The following NECAB2 variants were observed in gnomAD, a reference collection of about 807,000 sequenced individuals.
The protein encoded by NECAB2 is N-terminal EF-hand calcium binding protein 2, also known as N-terminal EF-hand calcium-binding protein 2.
Under a neutral mutation model 51.9 loss-of-function variants are expected in NECAB2, and 68 were observed. The observed-to-expected ratio is 1.31, with a 90% CI of 1.08 to 1.60. The LOEUF is 1.60. Ranked by LOEUF, NECAB2 falls within the 40% of genes most tolerant of loss-of-function variation. The pLI, the probability that NECAB2 is intolerant of heterozygous loss-of-function variation, is 0.00. For synonymous variants in NECAB2, 329 were observed against 203.5 expected (o/e 1.62, Z -5.25); for missense variants, 854 against 490.3 (o/e 1.74, Z -7.00).
At chr16:84,000,994 C>A (rs1424440058) in intron 11 of NECAB2, among the ~76,000 whole-genome samples, 193 bp downstream of exon 11, 1 of 151,600 alleles carries the variant, frequency 6.6e-6, no homozygotes, top group East Asian at 1.9e-4. Flanking sequence ...GTAGTGAGAG[C>A]CCCCACCACA....
chr16:83,996,756 C>T (rs1446307295), intron 8 of NECAB2, among the ~76,000 whole-genome samples: 1 of 152,164 alleles, frequency 6.6e-6, no homozygotes, highest in Non-Finnish European at 1.5e-5. Context: ...GATGTGGTTC[C>T]TGGAGACCGA....
At chr16:83,974,799 A>G (rs1597197194) in intron 2 of NECAB2, among the ~76,000 whole-genome samples, 1 of 152,052 alleles carries the variant, frequency 6.6e-6, no homozygotes, top group African/African-American at 2.4e-5. Context: ...GGCTGGGGAA[A>G]GAGGAATGAG....
intron 12 of NECAB2, 90 bp downstream of exon 12, chr16:84,002,006 G>A: frequency 2.8e-6 from 4 of 1,421,998 alleles, no homozygotes; most frequent in Non-Finnish European, 3.9e-6. Context: ...CCGGGGACTT[G>A]CCTGCTTGCT....
chr16:84,002,266 G>C (rs1317679178), intron 12 of NECAB2, 52 bp from the exon 13 acceptor site: 6 of 1,600,102 alleles, frequency 3.7e-6, no homozygotes, highest in African/African-American at 1.3e-5. Flanking sequence ...CACCAGCTAC[G>C]AGGCTGCCCA....
At position 83,980,851 on chromosome 16, in the gene NECAB2, C is replaced by G. The variant is rs1472502253; in HGVS notation, c.348C>G (p.Thr116=). The G allele has an allele frequency of 6.3e-6, 10 of 1,598,988 alleles. No individual in the cohort carries two copies. In the East Asian group the frequency reaches 2.3e-4, roughly 36 times the overall value. ...IDSDNTNHVD[T]KELCDYFVDH... Reference sequence around the variant, plus strand: ...TCTGTCTCTGCAGCCATGTGGACACCAAGGAGCTGTGTGGTAGGTGCCTGG... The same window carrying G: ...TCTGTCTCTGCAGCCATGTGGACACGAAGGAGCTGTGTGGTAGGTGCCTGG... The change falls in exon 4 of 13, where the codon ACC becomes ACG. Residue 116 remains threonine, a synonymous_variant. Transcript: ENST00000305202.
upstream of NECAB2, among the ~76,000 whole-genome samples, chr16:83,966,644 G>A (rs1048214072): frequency 2.6e-5 from 4 of 152,126 alleles, no homozygotes; most frequent in African/African-American, 9.7e-5. Flanking sequence ...TCTGCCATGC[G>A]GCCTCCTTTC....
chr16:83,995,268 T>C (rs2084681301), intron 8 of NECAB2, among the ~76,000 whole-genome samples: 1 of 152,154 alleles, frequency 6.6e-6, no homozygotes, highest in Admixed American at 6.5e-5. Flanking sequence ...AAGTTTGTCT[T>C]AGGGCCTACA....
At chr16:83,974,257 G>C (rs907368084) in intron 2 of NECAB2, among the ~76,000 whole-genome samples, 2 of 152,272 alleles carry the variant, frequency 1.3e-5, no homozygotes, top group African/African-American at 2.4e-5. Context: ...GCTCAGCCGC[G>C]TACCGGCTCT....
intron 5 of NECAB2, among the ~76,000 whole-genome samples, chr16:83,988,150 C>T (rs1285855999): frequency 6.6e-6 from 1 of 152,212 alleles, no homozygotes; most frequent in Non-Finnish European, 1.5e-5. Context: ...CTTGTTTAAT[C>T]AGATCTGGGA....
intron 10 of NECAB2, 58 bp downstream of exon 10, chr16:83,998,375 G>C (rs2084751510): frequency 6.6e-7 from 1 of 1,523,734 alleles, no homozygotes. Context: ...CCTGGCAGTG[G>C]AGGAACAGGG....
At chr16:83,965,185 G>A (rs765078854), upstream of NECAB2, 6 of 1,613,322 alleles carry the variant, frequency 3.7e-6, no homozygotes, top group Non-Finnish European at 5.1e-6. Context: ...TGGAGTGGGG[G>A]ACCCCCGATC....
In NECAB2 at chr16:83,987,983, C is replaced by T. The variant is rs868213108; in HGVS notation, c.460-2511C>T. On this transcript the variant is annotated intron_variant, in intron 5 of 12. Coordinates refer to ENST00000305202, the MANE Select transcript of NECAB2 (RefSeq NM_019065.3). ...ACTTTATGCCTTTTATCATTATATTCCTACCTTTCTTGGGCAGTACTTTCT... is the reference window on the plus strand; with the variant it reads ...ACTTTATGCCTTTTATCATTATATTTCTACCTTTCTTGGGCAGTACTTTCT... 3.3e-5 allele frequency among the ~76,000 whole-genome samples: 5 copies of T among 152,282 alleles called. No individual in the cohort carries two copies. In the South Asian group the frequency reaches 1.0e-3, roughly 32 times the overall value.
intron 8 of NECAB2, among the ~76,000 whole-genome samples, chr16:83,996,230 T>G (rs748019654): frequency 6.6e-6 from 1 of 152,118 alleles, no homozygotes. Context: ...CCAGGACCCC[T>G]CACGTATGCT....
intron 5 of NECAB2, among the ~76,000 whole-genome samples, chr16:83,987,221 C>T (rs140915687): frequency 4.3e-4 from 65 of 152,216 alleles, no homozygotes; most frequent in African/African-American, 1.5e-3. Context: ...CATTTTTGCC[C>T]ATTTCAGAGA....
chr16:83,992,969 C>T (rs2084645149), intron 6 of NECAB2, among the ~76,000 whole-genome samples: 2 of 152,196 alleles, frequency 1.3e-5, no homozygotes, highest in Non-Finnish European at 2.9e-5. Flanking sequence ...GGGCAGACTT[C>T]CCACACTGGG....
intron 10 of NECAB2, 25 bp from the exon 11 acceptor site, chr16:84,000,699 T>TC (rs1567681110): frequency 1.1e-5 from 17 of 1,611,718 alleles, no homozygotes; most frequent in Admixed American, 6.7e-5. Flanking sequence ...TCCAGCCTCC[T>TC]CCCCCCGACC....
chr16:83,997,100 GCAACAGGGCCGGGTCCTTGGGAGCTCC>G, intron 8 of NECAB2, 89 bp from the exon 9 acceptor site: 1 of 1,198,744 alleles, frequency 8.3e-7, no homozygotes, highest in South Asian at 1.3e-5. Context: ...CCAGCCCTGT[GCAACAGGGCCGGGTCCTTGGGAGCTCC>G]CAACAGCCCC....
At chr16:83,967,746 GGGAGGGTGGATGGATGGATGGAT>G (rs2084302193), upstream of NECAB2, among the ~76,000 whole-genome samples, 1 of 146,408 alleles carries the variant, frequency 6.8e-6, no homozygotes. Flanking sequence ...ATGGATGGAT[GGGAGGGTGGATGGATGGATGGAT>G]GGAGGGTGGA....
intron 5 of NECAB2, 104 bp downstream of exon 5, chr16:83,981,231 G>T (rs913733479): frequency 9.8e-7 from 1 of 1,021,652 alleles, no homozygotes; most frequent in African/African-American, 1.6e-5. Context: ...CGCCAGGGAG[G>T]CCTATCTCAG....
Sources: gnomAD v4.1 joint callset for allele counts (sites outside exome capture counted in the v4.1 genomes callset) on GRCh38, gnomAD v4.1.1 for gene constraint, MANE v1.5 for transcripts, NCBI Gene and HGNC (gene_info 2026-07-23, HGNC 2026-07-21) for gene names.